Variants in PTPRN2 observed in about 807,000 individuals in gnomAD.
PTPRN2 encodes the protein protein tyrosine phosphatase receptor type N2, also known as receptor-type tyrosine-protein phosphatase N2.
PTPRN2 carries 74 observed loss-of-function variants against 118.8 expected under a neutral mutation model. The observed-to-expected ratio is 0.62, with a 90% CI of 0.52 to 0.76. The LOEUF (loss-of-function observed/expected upper bound fraction) is 0.76, where lower values mean the gene tolerates loss of function less well. Ranked by LOEUF, PTPRN2 falls within the 30% of genes least tolerant of loss-of-function variation. The pLI is 0.00. For synonymous variants in PTPRN2, 641 were observed against 608.0 expected, an observed-to-expected ratio of 1.05 and a Z score of -0.80; for missense variants, 1,481 against 1,394.4, an observed-to-expected ratio of 1.06 and a Z score of -0.99.
chr7:157,933,988 G>C (rs1056246323), intron 11 of PTPRN2, among the ~76,000 whole-genome samples: 1 of 152,270 alleles, frequency 6.6e-6, no homozygotes, highest in East Asian at 1.9e-4. Flanking sequence ...TTTAAAGTAG[G>C]GGTGAGTCAC....
intron 12 of PTPRN2, among the ~76,000 whole-genome samples, chr7:157,754,051 AC>A (rs1291626680): frequency 6.6e-6 from 1 of 152,168 alleles, no homozygotes; most frequent in African/African-American, 2.4e-5. Flanking sequence ...GGCTGGGAGG[AC>A]CAGGCGTTGT....
At chr7:158,090,268 T>C (rs1814011179) in intron 10 of PTPRN2, among the ~76,000 whole-genome samples, 1 of 151,994 alleles carries the variant, frequency 6.6e-6, no homozygotes, top group African/African-American at 2.4e-5. Context: ...TGTGTTCACA[T>C]GGGTCCTATG....
intron 2 of PTPRN2, among the ~76,000 whole-genome samples, chr7:158,448,771 C>A (rs1817900328): frequency 6.6e-6 from 1 of 152,192 alleles, no homozygotes. Context: ...TTCAAGGCAA[C>A]CCCACTCCAG....
At chr7:157,639,413 G>C (rs938960316) in intron 14 of PTPRN2, among the ~76,000 whole-genome samples, 1 of 152,174 alleles carries the variant, frequency 6.6e-6, no homozygotes, top group Admixed American at 6.5e-5. Flanking sequence ...AGCACAGTGC[G>C]GCCTCTGCAC....
intron 11 of PTPRN2, among the ~76,000 whole-genome samples, chr7:157,942,239 C>G (rs1017957437): frequency 6.6e-6 from 1 of 151,388 alleles, no homozygotes; most frequent in African/African-American, 2.4e-5. Flanking sequence ...GTCCTCGGCA[C>G]GCCTTTCCAG....
intron 9 of PTPRN2, among the ~76,000 whole-genome samples, chr7:158,126,065 G>T (rs1185947824): frequency 3.6e-5 from 5 of 138,548 alleles, no homozygotes; most frequent in Admixed American, 7.1e-5. Flanking sequence ...CCAGGACAGC[G>T]GGCGGCGGAA....
At chr7:158,282,697 G>C (rs544340229) in intron 3 of PTPRN2, among the ~76,000 whole-genome samples, 2 of 151,846 alleles carry the variant, frequency 1.3e-5, no homozygotes, top group African/African-American at 4.8e-5. Context: ...CACAGCAGCC[G>C]GACAGACGGC....
chr7:158,146,799 T>C (rs891640632), intron 6 of PTPRN2, among the ~76,000 whole-genome samples: 1 of 151,832 alleles, frequency 6.6e-6, no homozygotes, highest in African/African-American at 2.4e-5. Flanking sequence ...AACATTGTTC[T>C]CACACCAGCA....
At chr7:157,841,683 C>T (rs57242511) in intron 12 of PTPRN2, among the ~76,000 whole-genome samples, 5,911 of 152,210 alleles carry the variant, frequency 0.039, 345 homozygotes, top group African/African-American at 0.12. Flanking sequence ...TTCAGGAGCA[C>T]GTGGGACAAT....
intron 2 of PTPRN2, among the ~76,000 whole-genome samples, chr7:158,431,885 T>C (rs1816233019): frequency 6.6e-6 from 1 of 152,236 alleles, no homozygotes; most frequent in South Asian, 2.1e-4. Flanking sequence ...GAGTGCTCCA[T>C]CATGTTATCC....
chr7:158,490,113 GGCCTCCCCTGGGCCCGGC>G (rs1779210781), intron 1 of PTPRN2, among the ~76,000 whole-genome samples: 3 of 152,278 alleles, frequency 2.0e-5, no homozygotes, highest in African/African-American at 2.4e-5. Flanking sequence ...CTCCCCTTGA[GGCCTCCCCTGGGCCCGGC>G]GCCTCCCCTG....
chr7:157,593,357 C>A (rs1001743101), intron 17 of PTPRN2, among the ~76,000 whole-genome samples: 3 of 152,136 alleles, frequency 2.0e-5, no homozygotes, highest in African/African-American at 4.8e-5. Flanking sequence ...AGTGTGGATG[C>A]CCTCCAGACC....
intron 3 of PTPRN2, among the ~76,000 whole-genome samples, chr7:158,270,652 A>G (rs1411630899): frequency 6.6e-6 from 1 of 151,740 alleles, no homozygotes; most frequent in African/African-American, 2.4e-5. Flanking sequence ...AGAAGGGCCA[A>G]CCCCTTTACC....
intron 2 of PTPRN2, among the ~76,000 whole-genome samples, chr7:158,488,322 C>A (rs958573190): frequency 6.6e-6 from 1 of 152,150 alleles, no homozygotes; most frequent in African/African-American, 2.4e-5. Flanking sequence ...CTGCACCCCA[C>A]GAGCTGCCGG....
At chr7:158,058,344 C>T (rs1167587931) in intron 11 of PTPRN2, among the ~76,000 whole-genome samples, 1 of 145,996 alleles carries the variant, frequency 6.8e-6, no homozygotes, top group East Asian at 2.0e-4. Context: ...ACTACAGCCA[C>T]GCTCCATCTG....
In PTPRN2 at chr7:157,903,553, C is replaced by T. The variant is rs1357491709; in HGVS notation, c.1724-4816G>A. Among the ~76,000 whole-genome samples, 6 of 152,002 alleles carry T rather than the reference C, an allele frequency of 3.9e-5. No individual in the cohort carries two copies. The highest frequency in any genetic ancestry group is 7.3e-5 in the African/African-American group (3 of 41,360). On this transcript the variant is annotated intron_variant, in intron 11 of 22. Coordinates refer to ENST00000389418, the MANE Select transcript of PTPRN2 (RefSeq NM_002847.5). This position sits in a 1 kb window ranked among gnomAD's most constrained non-coding sequence, Gnocchi z 4.2. ...CCACATGCCCCACGGTGCTGCCTCT[C>T]GAAACTGACTGGACCTTTTAAAATG...
intron 2 of PTPRN2, among the ~76,000 whole-genome samples, chr7:158,416,938 A>G (rs1168576988): frequency 1.3e-5 from 2 of 152,246 alleles, no homozygotes; most frequent in African/African-American, 2.4e-5. Flanking sequence ...ATTGACACTC[A>G]GCAAGCCATG....
At chr7:157,931,337 C>T (rs892909804) in intron 11 of PTPRN2, among the ~76,000 whole-genome samples, 2 of 152,330 alleles carry the variant, frequency 1.3e-5, no homozygotes, top group East Asian at 1.9e-4. Context: ...GGGGTGAGGG[C>T]CCCAGTGGGC....
chr7:158,134,916 G>A lies in PTPRN2; in HGVS notation c.1174-857C>T, dbSNP rs140162199. ...TTATTGGTACCAGATCACAAAAGTCGTGATTATCAGATCCAGAATTGGAAC... is the reference window on the plus strand; with the variant it reads ...TTATTGGTACCAGATCACAAAAGTCATGATTATCAGATCCAGAATTGGAAC... On this transcript the variant is annotated intron_variant, in intron 8 of 22. Coordinates refer to ENST00000389418, the MANE Select transcript of PTPRN2 (RefSeq NM_002847.5). Among the ~76,000 whole-genome samples, 536 of 152,236 alleles carry A rather than the reference G, an allele frequency of 3.5e-3. 2 individuals are homozygous for A. Among genetic ancestry groups the A allele is most frequent in the African/African-American group, 0.012 (498 of 41,520 alleles).
Sources: allele counts gnomAD v4.1 joint callset (sites outside exome capture counted in the v4.1 genomes callset), GRCh38; gene constraint gnomAD v4.1.1; non-coding constraint Gnocchi (gnomAD v3.1); transcripts MANE v1.5; gene names NCBI Gene and HGNC (gene_info 2026-07-23, HGNC 2026-07-21).